The following PTPRS variants were observed in gnomAD, a reference collection of about 807,000 sequenced individuals.
PTPRS encodes protein tyrosine phosphatase receptor type S, also known as receptor-type tyrosine-protein phosphatase S.
PTPRS carries 63 observed loss-of-function variants against 215.3 expected under a neutral mutation model. That is an observed-to-expected ratio of 0.29 (90% CI 0.24 to 0.36). PTPRS has a LOEUF of 0.36. Among genes scored for constraint, PTPRS ranks in the 10% least tolerant of loss-of-function variants. The pLI, the probability that PTPRS is intolerant of heterozygous loss-of-function variation, is 1.00. For synonymous variants in PTPRS, 1,404 were observed against 1,191.4 expected (o/e 1.18, Z -3.68); for missense variants, 2,258 against 2,825.8 (o/e 0.80, Z 4.56).
chr19:5,255,579 A>G lies in PTPRS; in HGVS notation c.718+529T>C, dbSNP rs186749156. The stretch of plus-strand genomic sequence containing the variant: ...CCCCCAAAACGAAACAAAACCAAAG[A>G]AAAAAAGAAAAAAGAAAAAAAAAAG... On this transcript the variant is annotated intron_variant, in intron 9 of 37. Transcript: ENST00000262963. Among the ~76,000 whole-genome samples, 37 of 152,016 alleles carry G rather than the reference A, an allele frequency of 2.4e-4. No individual in the cohort carries two copies. In the East Asian group the frequency reaches 4.6e-3, roughly 19 times the overall value.
At chr19:5,277,797 C>T (rs533713442) in intron 2 of PTPRS, 17 of 738,738 alleles carry the variant, frequency 2.3e-5, no homozygotes, top group Non-Finnish European at 3.4e-5. Flanking sequence ...GGCGTTCATC[C>T]GGCACCAGTC....
chr19:5,315,350 G>GC (rs2049835558), intron 1 of PTPRS, among the ~76,000 whole-genome samples: 5,708 of 101,130 alleles, frequency 0.056, 1,902 homozygotes, highest in African/African-American at 0.12. Flanking sequence ...ATTTGAAAAG[G>GC]GTTTTTTTTT....
rs775153797 is a variant in PTPRS at position 5,212,262 on chromosome 19, G to A, written c.4770-12C>T. 2 of 1,608,886 alleles carry A rather than the reference G, an allele frequency of 1.2e-6. No individual in the cohort carries two copies. The highest frequency in any genetic ancestry group is 2.2e-5 in the South Asian group (2 of 90,998). Reference sequence around the variant, plus strand: ...GGCCCACACCGGCACTGCAGGGACAGCCACGTGGCGTTCAGGGGCTGCTGG... The same window carrying A: ...GGCCCACACCGGCACTGCAGGGACAACCACGTGGCGTTCAGGGGCTGCTGG... On this transcript the variant is annotated splice_polypyrimidine_tract_variant and intron_variant, in intron 31 of 37. Transcript: ENST00000262963.
intron 9 of PTPRS, among the ~76,000 whole-genome samples, chr19:5,251,637 G>T (rs535531759): frequency 2.7e-4 from 41 of 152,106 alleles, no homozygotes; most frequent in African/African-American, 9.6e-4. Flanking sequence ...GAATGCAGAG[G>T]GTGTGAGGCA....
chr19:5,208,493 G>A (rs937629627), intron 35 of PTPRS, 102 bp from the exon 36 acceptor site: 18 of 1,215,384 alleles, frequency 1.5e-5, no homozygotes, highest in Non-Finnish European at 1.9e-5. Context: ...TTGTTTGTTT[G>A]TTTTTGAGAT....
intron 1 of PTPRS, among the ~76,000 whole-genome samples, chr19:5,304,557 G>C: frequency 6.6e-6 from 1 of 152,190 alleles, no homozygotes; most frequent in Non-Finnish European, 1.5e-5. Context: ...GCTAAGGTGA[G>C]AGAATCACTT....
At chr19:5,215,044 AGAT>A (rs2041293722) in intron 28 of PTPRS, among the ~76,000 whole-genome samples, 1 of 152,254 alleles carries the variant, frequency 6.6e-6, no homozygotes, top group Non-Finnish European at 1.5e-5. Context: ...GGACATTGCC[AGAT>A]GTCCCCTGGG....
intron 26 of PTPRS, among the ~76,000 whole-genome samples, 172 bp from the exon 27 acceptor site, chr19:5,215,767 C>A (rs1332058067): frequency 6.6e-6 from 1 of 152,060 alleles, no homozygotes; most frequent in Non-Finnish European, 1.5e-5. Flanking sequence ...CATGAAGGGG[C>A]TGGGACCCCA....
Position 5,221,004 on chromosome 19 carries a change from C to T in PTPRS, c.3451G>A (p.Val1151Ile). ...GGAGCATGGGGGTGAGCATACTGGA[C>T]AGGCACGGGGCTCTGGCCGTCAGGA... ...YLPDGQSPVP[V>I]QSYFIVMVPL... The change falls in exon 20 of 38, where the codon GTC becomes ATC. Residue 1151 changes from valine to isoleucine, a missense_variant. Physicochemically the swap from Val to Ile is conservative, Grantham distance 29. Transcript: ENST00000262963. 1 of 1,607,992 alleles carries T rather than the reference C, an allele frequency of 6.2e-7. No homozygotes were observed. Among genetic ancestry groups the T allele is most frequent in the Non-Finnish European group, 8.5e-7 (1 of 1,176,564 alleles).
intron 1 of PTPRS, among the ~76,000 whole-genome samples, chr19:5,315,012 T>G (rs1056937898): frequency 1.1e-4 from 17 of 152,216 alleles, no homozygotes; most frequent in African/African-American, 4.1e-4. Context: ...CTAGGCCCAG[T>G]GCAGGCCACA....
chr19:5,225,671 G>A (rs2042420288), intron 17 of PTPRS, 56 bp downstream of exon 17: 1 of 1,432,932 alleles, frequency 7.0e-7, no homozygotes, highest in African/African-American at 1.4e-5. Flanking sequence ...GTCACGCTCT[G>A]GTGCCAGTGG....
intron 30 of PTPRS, 92 bp downstream of exon 30, chr19:5,214,269 A>C: frequency 6.4e-7 from 1 of 1,555,708 alleles, no homozygotes; most frequent in Non-Finnish European, 8.8e-7. Context: ...TCTCTGTCCC[A>C]TGGGGAGCTC....
In PTPRS at chr19:5,221,036, A is replaced by G; in HGVS notation, c.3419T>C (p.Val1140Ala). The G allele has an allele frequency of 1.2e-6, 2 of 1,613,374 alleles. No individual in the cohort carries two copies. The highest frequency in any genetic ancestry group is 1.7e-6 in the Non-Finnish European group (2 of 1,179,770). ...GGGGCTCTGGCCGTCAGGAAGATAC[A>G]CCATGATGAAGCCGTCAGCATCAGG... is the stretch of plus-strand genomic sequence containing the variant. ...PKPDADGFIM[V>A]YLPDGQSPVP... Residue 1140 changes from valine (V) to alanine (A), a missense_variant, in exon 20 of 38, where the codon GTG becomes GCG. Physicochemically the swap from Val to Ala is moderately conservative, Grantham distance 64. This residue lies in a region of PTPRS where 927 missense variants were observed against 1,125.9 expected (regional missense o/e 0.82). Coordinates refer to ENST00000262963, the MANE Select transcript of PTPRS (RefSeq NM_002850.4).
At chr19:5,301,682 G>A (rs879816877) in intron 1 of PTPRS, among the ~76,000 whole-genome samples, 1 of 151,810 alleles carries the variant, frequency 6.6e-6, no homozygotes, top group East Asian at 1.9e-4. Flanking sequence ...TCCTTCAAGC[G>A]CATCCTCCCC....
At chr19:5,213,662 G>T (rs1195983957) in intron 30 of PTPRS, among the ~76,000 whole-genome samples, 1 of 122,368 alleles carries the variant, frequency 8.2e-6, no homozygotes, top group East Asian at 2.9e-4. Context: ...TATAACATAT[G>T]CTTAATGTGT....
At position 5,210,353 on chromosome 19, in the gene PTPRS, C is replaced by T. The variant is rs564480105; in HGVS notation, c.5487+116G>A. The T allele has an allele frequency of 6.2e-6, 9 of 1,458,526 alleles. No homozygotes were observed. The highest frequency in any genetic ancestry group is 8.5e-6 in the Non-Finnish European group (9 of 1,064,400). The allele number at this position is 1,458,526 out of a possible 1,614,324, so 90.3% of individuals were successfully genotyped here. On this transcript the variant is annotated intron_variant, in intron 35 of 37. Coordinates refer to ENST00000262963, the MANE Select transcript of PTPRS (RefSeq NM_002850.4). This position sits in a 1 kb window ranked among gnomAD's most constrained non-coding sequence, Gnocchi z 4.5. ...GGCCAACTGGTCAGCTGACACTTCT[C>T]CTGATTCCCAATGCTTATGCCTAAC...
At chr19:5,263,841 G>A (rs1220228959) in intron 5 of PTPRS, among the ~76,000 whole-genome samples, 6 of 152,230 alleles carry the variant, frequency 3.9e-5, no homozygotes, top group Admixed American at 1.3e-4. Context: ...ACTTTGCTCC[G>A]GGCGGGGGAA....
Position 5,211,775 on chromosome 19 carries a change from G to T in PTPRS, c.5056-7C>A, listed in dbSNP as rs201420646. ...CCTTGGAGTTAGCCAGCCGCTGTGG[G>T]GAGGAGGAAGCCAGAGGCCACCATC... is the stretch of plus-strand genomic sequence containing the variant. On this transcript the variant is annotated splice_region_variant and splice_polypyrimidine_tract_variant and intron_variant, in intron 32 of 37. Coordinates refer to ENST00000262963, the MANE Select transcript of PTPRS (RefSeq NM_002850.4). 4 of 1,608,948 alleles carry T rather than the reference G, an allele frequency of 2.5e-6. No individual in the cohort carries two copies. The East Asian group carries it at 9.0e-5, about 36-fold the overall frequency.
At chr19:5,321,619 C>G (rs1014152104) in intron 1 of PTPRS, among the ~76,000 whole-genome samples, 1 of 152,248 alleles carries the variant, frequency 6.6e-6, no homozygotes, top group African/African-American at 2.4e-5. Context: ...AGTGGAGAAG[C>G]CTCAGATGTC....
Sources: gnomAD v4.1 joint callset for allele counts (sites outside exome capture counted in the v4.1 genomes callset) on GRCh38, gnomAD v4.1.1 for gene constraint, gnomAD v4.1.1 regional missense constraint, Gnocchi (gnomAD v3.1) non-coding constraint, MANE v1.5 for transcripts, NCBI Gene and HGNC (gene_info 2026-07-23, HGNC 2026-07-21) for gene names.